The following FAM107B variants were observed in gnomAD, a reference collection of about 807,000 sequenced individuals.
The protein encoded by FAM107B is family with sequence similarity 107 member B.
In FAM107B, 21 loss-of-function variants were observed where a neutral mutation model predicts 31.5. That is an observed-to-expected ratio of 0.67 (90% CI 0.47 to 0.96). FAM107B has a LOEUF of 0.96. Among genes scored for constraint, FAM107B ranks in the 40% least tolerant of loss-of-function variants. The pLI, the probability that FAM107B is intolerant of heterozygous loss-of-function variation, is 0.00. For missense variants in FAM107B, 452 were observed against 377.1 expected, an observed-to-expected ratio of 1.20 and a Z score of -1.64; for synonymous variants, 157 against 141.5, an observed-to-expected ratio of 1.11 and a Z score of -0.78.
At chr10:14,752,180 C>T (rs1832842821) in intron 1 of FAM107B, among the ~76,000 whole-genome samples, 1 of 152,224 alleles carries the variant, frequency 6.6e-6, no homozygotes, top group Admixed American at 6.5e-5. Context: ...GAGAGACAGG[C>T]AATCCATCCT....
intron 1 of FAM107B, among the ~76,000 whole-genome samples, chr10:14,724,478 C>T (rs528275251): frequency 2.6e-4 from 40 of 152,282 alleles, no homozygotes; most frequent in Middle Eastern, 3.4e-3. Flanking sequence ...ACAGTCACCA[C>T]GCTGTTTTGA....
chr10:14,614,650 G>T (rs1169772810), intron 2 of FAM107B, among the ~76,000 whole-genome samples: 1 of 149,098 alleles, frequency 6.7e-6, no homozygotes, highest in South Asian at 2.2e-4. Context: ...TCCAGCCTGG[G>T]TGACACAGCA....
At chr10:14,624,082 C>T (rs948430405) in intron 2 of FAM107B, among the ~76,000 whole-genome samples, 1 of 152,104 alleles carries the variant, frequency 6.6e-6, no homozygotes. Context: ...TAAAGGGCTC[C>T]TAGCAAACAT....
chr10:14,653,721 C>T (rs1853962758), intron 2 of FAM107B: 1 of 152,140 alleles, frequency 6.6e-6, no homozygotes, highest in African/African-American at 2.4e-5. Flanking sequence ...ATAGTATTAG[C>T]CTCTTATACA....
chr10:14,691,371 T>G (rs1250125419), intron 1 of FAM107B, among the ~76,000 whole-genome samples: 1 of 152,128 alleles, frequency 6.6e-6, no homozygotes, highest in Non-Finnish European at 1.5e-5. Context: ...TAAGACATGA[T>G]CAAGTGCCAG....
At chr10:14,662,405 C>G (rs931795364) in intron 2 of FAM107B, among the ~76,000 whole-genome samples, 3 of 139,316 alleles carry the variant, frequency 2.2e-5, no homozygotes, top group Non-Finnish European at 4.6e-5. Context: ...GAGACAGGGT[C>G]TCGCTCTCTC....
At chr10:14,611,537 A>C (rs539012446) in intron 2 of FAM107B, among the ~76,000 whole-genome samples, 152 of 141,064 alleles carry the variant, frequency 1.1e-3, no homozygotes, top group Middle Eastern at 4.0e-3. Flanking sequence ...TATTCACCTA[A>C]CTTCTATTAA....
At chr10:14,730,716 AG>A (rs1856153664) in intron 1 of FAM107B, among the ~76,000 whole-genome samples, 1 of 152,242 alleles carries the variant, frequency 6.6e-6, no homozygotes, top group Admixed American at 6.5e-5. Context: ...CTACTGCAGT[AG>A]ACCAGGCGAG....
chr10:14,745,793 G>C (rs1037345289), intron 1 of FAM107B, among the ~76,000 whole-genome samples: 1 of 152,168 alleles, frequency 6.6e-6, no homozygotes, highest in East Asian at 1.9e-4. Context: ...TGAGTGGAGA[G>C]TTCTGTAGAT....
intron 1 of FAM107B, among the ~76,000 whole-genome samples, chr10:14,674,572 A>G (rs1276900683): frequency 8.5e-5 from 13 of 152,162 alleles, no homozygotes; most frequent in Admixed American, 8.5e-4. Flanking sequence ...TGGATGTTAT[A>G]AGGGCTGGAG....
At chr10:14,525,179 C>T (rs1473725368) in intron 3 of FAM107B, among the ~76,000 whole-genome samples, 1 of 152,214 alleles carries the variant, frequency 6.6e-6, no homozygotes, top group Non-Finnish European at 1.5e-5. Context: ...AAATTAGTTT[C>T]TCCAAATGTC....
chr10:14,764,991 AC>A (rs1191952133), intron 1 of FAM107B, among the ~76,000 whole-genome samples: 5 of 152,174 alleles, frequency 3.3e-5, no homozygotes, highest in Non-Finnish European at 7.3e-5. Flanking sequence ...TGCATTTTCT[AC>A]CTGTGAAAAT....
At chr10:14,765,434 T>C (rs2131594949) in intron 1 of FAM107B, among the ~76,000 whole-genome samples, 1 of 152,332 alleles carries the variant, frequency 6.6e-6, no homozygotes, top group African/African-American at 2.4e-5. Context: ...CTCTCTCTTT[T>C]CCGGTTGGGA....
intron 2 of FAM107B, among the ~76,000 whole-genome samples, chr10:14,638,268 G>A (rs1455388707): frequency 6.6e-6 from 1 of 150,416 alleles, no homozygotes; most frequent in Admixed American, 6.6e-5. Context: ...CTTACGTTGT[G>A]TACAGCCTGC....
chr10:14,673,454 G>A (rs1005000922), intron 1 of FAM107B, among the ~76,000 whole-genome samples: 6 of 152,130 alleles, frequency 3.9e-5, no homozygotes, highest in Non-Finnish European at 5.9e-5. Context: ...ATGTTGCTGC[G>A]AATGAAGGAT....
Position 14,690,698 on chromosome 10 carries a change from C to T in FAM107B, c.412-23007G>A, listed in dbSNP as rs541080501. ...CGATCTCCTGACCTTGTGATCCCCC[C>T]ACCTCTGCCTCCCAAAGTGCTGGGA... On this transcript the variant is annotated intron_variant, in intron 1 of 4. Transcript: ENST00000181796. 3.3e-5 allele frequency among the ~76,000 whole-genome samples: 5 copies of T among 152,142 alleles called. 1 individual carries two copies. The highest frequency in any genetic ancestry group is 3.3e-4 in the Admixed American group (5 of 15,272).
intron 2 of FAM107B, among the ~76,000 whole-genome samples, chr10:14,620,379 C>T (rs1458831772): frequency 1.3e-5 from 2 of 152,120 alleles, no homozygotes; most frequent in South Asian, 2.1e-4. Context: ...CAACACCACC[C>T]TTTCTTATTT....
intron 2 of FAM107B, among the ~76,000 whole-genome samples, chr10:14,545,372 T>A (rs1037227783): frequency 6.6e-6 from 1 of 151,730 alleles, no homozygotes; most frequent in African/African-American, 2.4e-5. Flanking sequence ...AAGCTATTGA[T>A]CTGGGGGCTG....
intron 1 of FAM107B, among the ~76,000 whole-genome samples, chr10:14,764,864 C>G (rs1431864726): frequency 6.6e-6 from 1 of 152,182 alleles, no homozygotes; most frequent in Admixed American, 6.5e-5. Flanking sequence ...GAAATTTCAG[C>G]TATACACACG....
Sources: allele counts gnomAD v4.1 joint callset (sites outside exome capture counted in the v4.1 genomes callset), GRCh38; gene constraint gnomAD v4.1.1; transcripts MANE v1.5; gene names NCBI Gene and HGNC (gene_info 2026-07-23, HGNC 2026-07-21).